F13A1: variants seen among roughly 807,000 people sequenced by gnomAD.
F13A1 encodes coagulation factor XIII A chain, also known as FSF, A subunit.
In F13A1, 47 loss-of-function variants were observed where a neutral mutation model predicts 80.1. The ratio of observed to expected loss-of-function variants is 0.59; its 90% confidence interval spans 0.46 to 0.75. F13A1 has a LOEUF of 0.75. Among genes scored for constraint, F13A1 ranks in the 30% least tolerant of loss-of-function variants. F13A1 has a pLI of 0.00. For synonymous variants in F13A1, 349 were observed against 344.9 expected, an observed-to-expected ratio of 1.01 and a Z score of -0.13; for missense variants, 817 against 930.4, an observed-to-expected ratio of 0.88 and a Z score of 1.59.
intron 13 of F13A1, among the ~76,000 whole-genome samples, chr6:6,165,716 G>A (rs956961866): frequency 6.6e-6 from 1 of 152,184 alleles, no homozygotes; most frequent in African/African-American, 2.4e-5. Flanking sequence ...CGGGGTTAGG[G>A]CATCCTGCAC....
chr6:6,168,054 G>A (rs1760708984), intron 12 of F13A1, among the ~76,000 whole-genome samples: 1 of 152,134 alleles, frequency 6.6e-6, no homozygotes, highest in Non-Finnish European at 1.5e-5. Flanking sequence ...GTCTCACCTA[G>A]GCCATGGGCC....
At chr6:6,247,649 T>C (rs73361840) in intron 6 of F13A1, among the ~76,000 whole-genome samples, 7,110 of 152,252 alleles carry the variant, frequency 0.047, 480 homozygotes, top group African/African-American at 0.15. Context: ...TAGGATATCC[T>C]GCAGAGAGCG....
intron 2 of F13A1, among the ~76,000 whole-genome samples, chr6:6,307,239 C>T (rs1460857899): frequency 6.6e-6 from 1 of 152,096 alleles, no homozygotes; most frequent in Admixed American, 6.5e-5. Flanking sequence ...CCCCGGGTTA[C>T]CCTGACTGCA....
At chr6:6,305,075 C>A in intron 3 of F13A1, 1 of 484,870 alleles carries the variant, frequency 2.1e-6, no homozygotes, top group Non-Finnish European at 3.8e-6. Flanking sequence ...ATGCCAAAAC[C>A]ATTTGTTTGA....
chr6:6,187,861 T>C (rs933835658), intron 10 of F13A1, among the ~76,000 whole-genome samples: 2 of 136,180 alleles, frequency 1.5e-5, no homozygotes, highest in African/African-American at 5.5e-5. Flanking sequence ...CCTGGACTCT[T>C]TTTGGTTGGT....
chr6:6,196,994 C>G (rs548110899), intron 9 of F13A1, among the ~76,000 whole-genome samples: 1 of 152,132 alleles, frequency 6.6e-6, no homozygotes, highest in Non-Finnish European at 1.5e-5. Flanking sequence ...ATGAATTATA[C>G]GTTGTTTTAT....
In F13A1 at chr6:6,161,524, ATG is replaced by A. The variant is rs143895728; in HGVS notation, c.1908+5932_1908+5933del. Among the ~76,000 whole-genome samples, 505 of 133,596 alleles carry A rather than the reference ATG, an allele frequency of 3.8e-3. 5 individuals carry two copies. The East Asian group carries it at 0.04, about 11-fold the overall frequency. The allele number at this position is 133,596 out of a possible 152,430, so 87.6% of individuals were successfully genotyped here. On this transcript the variant is annotated intron_variant, in intron 13 of 14. Coordinates refer to ENST00000264870, the MANE Select transcript of F13A1 (RefSeq NM_000129.4). ...GGGGATACTGAAGTTCAGAGAGAGG[ATG>A]TGTGTGTGTGTGTGTGTGTGTGTGT... is the stretch of plus-strand genomic sequence containing the variant.
intron 3 of F13A1, among the ~76,000 whole-genome samples, chr6:6,276,973 A>T (rs1322570613): frequency 1.3e-5 from 2 of 152,188 alleles, no homozygotes; most frequent in Non-Finnish European, 2.9e-5. Flanking sequence ...TTCTTGGCTA[A>T]GGGGACCCCA....
At chr6:6,175,100 A>C (rs192844473) in intron 11 of F13A1, among the ~76,000 whole-genome samples, 114 of 152,232 alleles carry the variant, frequency 7.5e-4, no homozygotes, top group Non-Finnish European at 1.9e-4. Context: ...CAGTGTTGGG[A>C]TCTATCCAGA....
rs563215015 is a variant in F13A1 at position 6,250,445 on chromosome 6, T to C, written c.690+366A>G. 3.3e-5 allele frequency among the ~76,000 whole-genome samples: 5 copies of C among 152,250 alleles called. No homozygotes were observed. Among genetic ancestry groups the C allele is most frequent in the Admixed American group, 2.6e-4 (4 of 15,292 alleles). ...AAAAAAAGAAGCTATTTCTTTGAATTGGGCACACCCCTTGCAGTATTCTTT... is the reference window on the plus strand; with the variant it reads ...AAAAAAAGAAGCTATTTCTTTGAATCGGGCACACCCCTTGCAGTATTCTTT... On this transcript the variant is annotated intron_variant, in intron 5 of 14. Transcript: ENST00000264870. This position sits in a 1 kb window ranked among gnomAD's most constrained non-coding sequence, Gnocchi z 4.2.
At chr6:6,185,994 G>C (rs1289299168) in intron 10 of F13A1, among the ~76,000 whole-genome samples, 1 of 150,572 alleles carries the variant, frequency 6.6e-6, no homozygotes, top group African/African-American at 2.4e-5. Context: ...ATTTTTTCAT[G>C]TGTTTTTTGG....
chr6:6,250,452 A>T lies in F13A1; in HGVS notation c.690+359T>A, dbSNP rs1364031043. Among the ~76,000 whole-genome samples the T allele has an allele frequency of 2.0e-5, 3 of 151,816 alleles. No homozygotes were observed. The highest frequency in any genetic ancestry group is 4.4e-5 in the Non-Finnish European group (3 of 67,980). ...GAAGCTATTTCTTTGAATTGGGCAC[A>T]CCCCTTGCAGTATTCTTTGCATCAC... is the stretch of plus-strand genomic sequence containing the variant. On this transcript the variant is annotated intron_variant, in intron 5 of 14. Coordinates refer to ENST00000264870, the MANE Select transcript of F13A1 (RefSeq NM_000129.4). The surrounding 1 kb of genome is among the most constrained non-coding windows in gnomAD (Gnocchi z 4.2).
At position 6,308,606 on chromosome 6, in the gene F13A1, C is replaced by CTTTTT. The variant is rs770570204; in HGVS notation, c.131-3072_131-3068dup. Among the ~76,000 whole-genome samples the CTTTTT allele has an allele frequency of 8.3e-3, 737 of 88,818 alleles. 2 individuals carry two copies. The highest frequency in any genetic ancestry group is 0.011 in the East Asian group (29 of 2,714). 58.3% of individuals were successfully genotyped at this position (88,818 alleles called of 152,430 possible). ...TAAAGCAAAACCCTTAAAACACATT[C>CTTTTT]TTTTTTTTTTTTTTTTTTTTTTTTG... On this transcript the variant is annotated intron_variant, in intron 2 of 14. Coordinates refer to ENST00000264870, the MANE Select transcript of F13A1 (RefSeq NM_000129.4).
chr6:6,300,012 G>A (rs1758396632), intron 3 of F13A1, among the ~76,000 whole-genome samples: 1 of 147,312 alleles, frequency 6.8e-6, no homozygotes, highest in African/African-American at 2.7e-5. Flanking sequence ...CCTGCCGTGT[G>A]AAGTGTCAGT....
At chr6:6,185,615 C>T (rs1219175797) in intron 10 of F13A1, among the ~76,000 whole-genome samples, 1 of 151,704 alleles carries the variant, frequency 6.6e-6, no homozygotes, top group African/African-American at 2.4e-5. Flanking sequence ...TTAATCCAGT[C>T]TATCATTGTT....
chr6:6,281,976 A>G (rs986858234), intron 3 of F13A1, among the ~76,000 whole-genome samples: 10 of 141,020 alleles, frequency 7.1e-5, no homozygotes, highest in Non-Finnish European at 9.0e-5. Context: ...CCTGGGCGAC[A>G]GAGTGAGACT....
intron 2 of F13A1, 161 bp from the exon 3 acceptor site, chr6:6,305,700 C>A: frequency 1.5e-6 from 1 of 676,990 alleles, no homozygotes; most frequent in East Asian, 2.7e-5. Flanking sequence ...TCTCGAGAGT[C>A]AGCCTCTTGT....
chr6:6,282,996 G>A (rs927411176), intron 3 of F13A1, among the ~76,000 whole-genome samples: 1 of 152,070 alleles, frequency 6.6e-6, no homozygotes, highest in Non-Finnish European at 1.5e-5. Flanking sequence ...CTACTTCCTG[G>A]GCACTCAACC....
intron 10 of F13A1, among the ~76,000 whole-genome samples, chr6:6,194,720 G>A (rs538172977): frequency 7.2e-4 from 110 of 152,302 alleles, no homozygotes; most frequent in African/African-American, 2.5e-3. Context: ...CTAGAAATAC[G>A]TTTCTTAAAG....
Sources: allele counts gnomAD v4.1 joint callset (sites outside exome capture counted in the v4.1 genomes callset), GRCh38; gene constraint gnomAD v4.1.1; non-coding constraint Gnocchi (gnomAD v3.1); transcripts MANE v1.5; gene names NCBI Gene and HGNC (gene_info 2026-07-23, HGNC 2026-07-21).